PTPN14: variants seen among roughly 807,000 people sequenced by gnomAD.
PTPN14 encodes tyrosine-protein phosphatase non-receptor type 14.
Under a neutral mutation model 126.8 loss-of-function variants are expected in PTPN14, and 53 were observed. The ratio of observed to expected loss-of-function variants is 0.42; its 90% CI spans 0.34 to 0.53. PTPN14 has a LOEUF of 0.53. PTPN14 is among the 20% of genes least tolerant of loss of function. The pLI is 0.08. For synonymous variants in PTPN14, 630 were observed against 599.3 expected (o/e 1.05, Z -0.75); for missense variants, 1,257 against 1,552.9 (o/e 0.81, Z 3.20).
chr1:214,479,486 C>T (rs1395490066), intron 1 of PTPN14, among the ~76,000 whole-genome samples: 1 of 151,826 alleles, frequency 6.6e-6, no homozygotes, highest in Non-Finnish European at 1.5e-5. Flanking sequence ...ATTACAGGCG[C>T]CCACCACCAA....
At chr1:214,369,776 AT>A in intron 16 of PTPN14, 85 bp from the exon 17 acceptor site, 1 of 1,240,976 alleles carries the variant, frequency 8.1e-7, no homozygotes, top group Non-Finnish European at 1.2e-6. Flanking sequence ...ACAGAAGAAA[AT>A]GCAAATAGCT....
At chr1:214,520,175 G>A (rs900882484) in intron 1 of PTPN14, among the ~76,000 whole-genome samples, 9 of 150,878 alleles carry the variant, frequency 6.0e-5, no homozygotes, top group East Asian at 2.0e-4. Context: ...CAGCTAAGCC[G>A]GCAATGACTT....
intron 3 of PTPN14, among the ~76,000 whole-genome samples, chr1:214,416,991 C>T (rs1659441526): frequency 6.6e-6 from 1 of 151,818 alleles, no homozygotes; most frequent in Non-Finnish European, 1.5e-5. Context: ...ATACTCCACC[C>T]TGTCATAGCT....
intron 1 of PTPN14, among the ~76,000 whole-genome samples, chr1:214,483,738 T>G (rs146377506): frequency 1.1e-4 from 16 of 152,364 alleles, no homozygotes; most frequent in African/African-American, 3.6e-4. Flanking sequence ...TTTCTTACTT[T>G]TTCTTTTTAG....
intron 1 of PTPN14, among the ~76,000 whole-genome samples, chr1:214,548,098 A>T (rs948240678): frequency 2.6e-5 from 4 of 152,204 alleles, no homozygotes; most frequent in Non-Finnish European, 4.4e-5. Flanking sequence ...TGAATTCTCC[A>T]TACATATCCT....
chr1:214,393,649 A>T, intron 10 of PTPN14, 46 bp downstream of exon 10: 1 of 1,398,812 alleles, frequency 7.1e-7, no homozygotes, highest in Non-Finnish European at 1.0e-6. Flanking sequence ...ACATTAATTT[A>T]ATCTGACAAA....
At position 214,424,344 on chromosome 1, in the gene PTPN14, T is replaced by C. The variant is rs1189163713; in HGVS notation, c.345-9618A>G. On this transcript the variant is annotated intron_variant, in intron 3 of 18. Coordinates refer to ENST00000366956, the MANE Select transcript of PTPN14 (RefSeq NM_005401.5). The stretch of plus-strand genomic sequence containing the variant: ...ACAAGTAACCCATATTAAAAGAACG[T>C]TTGAAAACACAGACATAACAAACAA... Among the ~76,000 whole-genome samples the C allele has an allele frequency of 5.3e-5, 8 of 150,394 alleles. No homozygotes were observed. In the East Asian group the frequency reaches 1.4e-3, roughly 26 times the overall value.
chr1:214,525,960 A>C (rs1655382180), intron 1 of PTPN14, among the ~76,000 whole-genome samples: 1 of 128,864 alleles, frequency 7.8e-6, no homozygotes, highest in African/African-American at 2.8e-5. Flanking sequence ...AGCTAAAGTC[A>C]ACTTTTTTTT....
Position 214,532,466 on chromosome 1 carries a change from G to A in PTPN14, c.-155+18717C>T, listed in dbSNP as rs951129418. On this transcript the variant is annotated intron_variant, in intron 1 of 18. Coordinates refer to ENST00000366956, the MANE Select transcript of PTPN14 (RefSeq NM_005401.5). ...TGAAAGACCACCTGGCCTCCTACCTGGACAGACTGAGGAGCCTGGAGATCG... is the reference window on the plus strand; with the variant it reads ...TGAAAGACCACCTGGCCTCCTACCTAGACAGACTGAGGAGCCTGGAGATCG... 6.8e-5 allele frequency: 57 copies of A among 838,058 alleles called. No individual in the cohort carries two copies. The Middle Eastern group carries it at 1.3e-3, about 19-fold the overall frequency. 51.9% of individuals were successfully genotyped at this position (838,058 alleles called of 1,614,324 possible).
At chr1:214,542,107 A>T (rs1055292201) in intron 1 of PTPN14, among the ~76,000 whole-genome samples, 32 of 152,116 alleles carry the variant, frequency 2.1e-4, no homozygotes, top group African/African-American at 7.7e-4. Flanking sequence ...TACTACACAC[A>T]CACACATATA....
At chr1:214,499,609 C>G (rs1192944063) in intron 1 of PTPN14, among the ~76,000 whole-genome samples, 2 of 152,132 alleles carry the variant, frequency 1.3e-5, no homozygotes, top group African/African-American at 4.8e-5. Flanking sequence ...CATTGTATCT[C>G]TTCCCTCAAA....
At chr1:214,458,295 A>C (rs1036384775) in intron 2 of PTPN14, among the ~76,000 whole-genome samples, 2 of 152,010 alleles carry the variant, frequency 1.3e-5, no homozygotes, top group Non-Finnish European at 2.9e-5. Context: ...GTGACCTTCC[A>C]TCTTGGCCTC....
At chr1:214,496,079 G>A (rs1197785794) in intron 1 of PTPN14, among the ~76,000 whole-genome samples, 1 of 152,072 alleles carries the variant, frequency 6.6e-6, no homozygotes, top group African/African-American at 2.4e-5. Context: ...AACTCTCCTG[G>A]CATTCTTGGT....
intron 1 of PTPN14, among the ~76,000 whole-genome samples, chr1:214,521,773 G>A (rs1009320221): frequency 2.6e-5 from 4 of 151,832 alleles, no homozygotes; most frequent in South Asian, 4.1e-4. Flanking sequence ...ACTTCAATAA[G>A]AAAAACAACT....
At chr1:214,550,289 G>GT (rs1393362099) in intron 1 of PTPN14, among the ~76,000 whole-genome samples, 2 of 152,216 alleles carry the variant, frequency 1.3e-5, no homozygotes, top group Admixed American at 6.5e-5. Flanking sequence ...TGGAAACTCT[G>GT]TAACTGCCCG....
intron 3 of PTPN14, among the ~76,000 whole-genome samples, chr1:214,426,386 T>C (rs1312186036): frequency 1.3e-5 from 2 of 152,222 alleles, no homozygotes; most frequent in African/African-American, 4.8e-5. Context: ...AGATACTTCA[T>C]TTGTTAAATG....
intron 3 of PTPN14, among the ~76,000 whole-genome samples, chr1:214,448,075 CT>C (rs1405418337): frequency 1.2e-4 from 19 of 152,184 alleles, no homozygotes; most frequent in African/African-American, 4.6e-4. Flanking sequence ...ATTTAAATAC[CT>C]TTTGTTTTAG....
intron 8 of PTPN14, 115 bp from the exon 9 acceptor site, chr1:214,395,101 A>T: frequency 1.1e-6 from 1 of 894,916 alleles, no homozygotes; most frequent in Non-Finnish European, 1.8e-6. Context: ...TGATTTAACT[A>T]TTTTTTAAGT....
Position 214,464,972 on chromosome 1 carries a change from G to A in PTPN14, c.-154-15C>T. 2.7e-6 allele frequency: 2 copies of A among 746,736 alleles called. No homozygotes were observed. Among genetic ancestry groups the A allele is most frequent in the Non-Finnish European group, 4.1e-6 (2 of 484,472 alleles). 46.3% of individuals were successfully genotyped at this position (746,736 alleles called of 1,614,324 possible). A position where few individuals can be genotyped will look rare whatever the true frequency, so the allele number is the denominator to read the frequency against. ...CTGGAAGATAGCTGTAAATGCAAAAGAAATGCCATGGTCATGCTCCAGAAG... is the reference window on the plus strand; with the variant it reads ...CTGGAAGATAGCTGTAAATGCAAAAAAAATGCCATGGTCATGCTCCAGAAG... On this transcript the variant is annotated splice_polypyrimidine_tract_variant and intron_variant, in intron 1 of 18. Coordinates refer to ENST00000366956, the MANE Select transcript of PTPN14 (RefSeq NM_005401.5).
Sources: gnomAD v4.1 joint callset for allele counts (sites outside exome capture counted in the v4.1 genomes callset) on GRCh38, gnomAD v4.1.1 for gene constraint, MANE v1.5 for transcripts, NCBI Gene and HGNC (gene_info 2026-07-23, HGNC 2026-07-21) for gene names.